Variants in DCAF13 observed in about 807,000 individuals in gnomAD.
DCAF13 encodes the protein DDB1 and CUL4 associated factor 13.
A neutral mutation model predicts 59.0 loss-of-function variants in DCAF13; 38 were observed. That is an observed-to-expected ratio of 0.64 (90% CI 0.50 to 0.84). The LOEUF is 0.84. DCAF13 is among the 40% of genes least tolerant of loss of function. The pLI, the probability that DCAF13 is intolerant of heterozygous loss-of-function variation, is 0.00. For missense variants in DCAF13, 469 were observed against 558.4 expected (o/e 0.84, Z 1.61); for synonymous variants, 173 against 175.0 (o/e 0.99, Z 0.09).
Position 103,421,203 on chromosome 8 carries a change from A to T in DCAF13, c.378+121A>T, listed in dbSNP as rs1410932888. ...AGGCCCTTTTGGAGTTTCACAATGC[A>T]AAATAGCTTATTAAACCTTGAAAAT... On this transcript the variant is annotated intron_variant, in intron 3 of 10. Transcript: ENST00000612750. 8.7e-5 allele frequency: 64 copies of T among 732,660 alleles called. 1 individual carries two copies. In the South Asian group the frequency reaches 9.3e-4, roughly 11 times the overall value. The allele number at this position is 732,660 out of a possible 1,614,324, so 45.4% of individuals were successfully genotyped here. A position where few individuals can be genotyped will look rare whatever the true frequency, so the allele number is the denominator to read the frequency against.
Position 103,421,009 on chromosome 8 carries a change from T to G in DCAF13, c.305T>G (p.Ile102Ser). Residue 102 changes from isoleucine to serine, a missense_variant, in exon 3 of 11, where the codon ATC (isoleucine) becomes AGC (serine). Coordinates refer to ENST00000612750, the MANE Select transcript of DCAF13 (RefSeq NM_015420.7). Reference protein sequence around the residue: ...RIWNLTQRNCIRTIQAHEGFV... With the variant: ...RIWNLTQRNCSRTIQAHEGFV... ...TGGAATCTAACTCAGCGGAATTGTA[T>G]CCGTACAATACAAGCACATGAAGGC... The G allele has an allele frequency of 6.2e-7, 1 of 1,613,600 alleles. No homozygotes were observed.
chr8:103,432,195 A>G lies in DCAF13; in HGVS notation c.703-464A>G, dbSNP rs139851019. Among the ~76,000 whole-genome samples, 754 of 152,304 alleles carry G rather than the reference A, an allele frequency of 5.0e-3. 6 individuals are homozygous for G. Among genetic ancestry groups the G allele is most frequent in the African/African-American group, 0.016 (671 of 41,574 alleles). ...AGGTCCCTGAGTGGCAAAACATCCT[A>G]CAGTGGATAGTCATACACAACAAAA... On this transcript the variant is annotated intron_variant, in intron 6 of 10. Coordinates refer to ENST00000612750, the MANE Select transcript of DCAF13 (RefSeq NM_015420.7).
At chr8:103,417,658 A>AG (rs1563723619) in intron 1 of DCAF13, among the ~76,000 whole-genome samples, 1 of 151,590 alleles carries the variant, frequency 6.6e-6, no homozygotes, top group South Asian at 2.1e-4. Flanking sequence ...AAAAAAAAAA[A>AG]AAGAACATCT....
At chr8:103,442,339 C>T (rs1817022822) in intron 10 of DCAF13, 1 of 152,360 alleles carries the variant, frequency 6.6e-6, no homozygotes, top group Non-Finnish European at 1.5e-5. Context: ...AAAAAGTGTT[C>T]TGATATACTT....
intron 1 of DCAF13, among the ~76,000 whole-genome samples, chr8:103,418,849 T>TATAC (rs1414319604): frequency 5.4e-5 from 1 of 18,410 alleles, no homozygotes; most frequent in Non-Finnish European, 1.0e-4. Flanking sequence ...TATATATATA[T>TATAC]ATATATATAT....
chr8:103,442,440 C>CT (rs1206578984), intron 10 of DCAF13: 1 of 160,210 alleles, frequency 6.2e-6, no homozygotes, highest in African/African-American at 2.4e-5. Flanking sequence ...CTTTGAAATA[C>CT]TTGAAGTCAT....
In DCAF13 at chr8:103,441,388, TC is replaced by T. The variant is rs1416994394; in HGVS notation, c.1087-66del. 26 of 1,454,614 alleles carry T rather than the reference TC, an allele frequency of 1.8e-5. No homozygotes were observed. The African/African-American group carries it at 3.5e-4, about 19-fold the overall frequency. The allele number at this position is 1,454,614 out of a possible 1,614,324, so 90.1% of individuals were successfully genotyped here. A position where few individuals can be genotyped will look rare whatever the true frequency, so the allele number is the denominator to read the frequency against. Reference sequence around the variant, plus strand: ...TTAGGTTAGGGGGAAAAGGGTGCTTTCTAGCTTTTTTATACTGAAGCAAAAC... The same window carrying T: ...TTAGGTTAGGGGGAAAAGGGTGCTTTTAGCTTTTTTATACTGAAGCAAAAC... On this transcript the variant is annotated intron_variant, in intron 9 of 10. Coordinates refer to ENST00000612750, the MANE Select transcript of DCAF13 (RefSeq NM_015420.7).
intron 8 of DCAF13, among the ~76,000 whole-genome samples, chr8:103,438,503 C>A (rs1362746658): frequency 6.6e-6 from 1 of 151,508 alleles, no homozygotes; most frequent in Non-Finnish European, 1.5e-5. Flanking sequence ...CACTACAGCC[C>A]CTGTCTTCTG....
At chr8:103,428,461 A>G (rs1816821960) in intron 5 of DCAF13, 1 of 152,124 alleles carries the variant, frequency 6.6e-6, no homozygotes, top group Admixed American at 6.6e-5. Context: ...AAAACCTAAA[A>G]TACTTACTCT....
intron 9 of DCAF13, chr8:103,440,676 T>C (rs1402871156): frequency 6.5e-6 from 1 of 153,278 alleles, no homozygotes; most frequent in Non-Finnish European, 1.5e-5. Flanking sequence ...GATCTTGTAA[T>C]ATCAAAGACA....
At chr8:103,430,730 T>A in intron 6 of DCAF13, 41 bp downstream of exon 6, 1 of 1,422,214 alleles carries the variant, frequency 7.0e-7, no homozygotes, top group Non-Finnish European at 9.8e-7. Flanking sequence ...CAGTTGGCAT[T>A]ATATATTTCT....
intron 8 of DCAF13, among the ~76,000 whole-genome samples, chr8:103,439,281 G>A (rs973498104): frequency 2.0e-5 from 3 of 151,324 alleles, no homozygotes; most frequent in Non-Finnish European, 2.9e-5. Context: ...GTGAGCCACC[G>A]CACCTGGCTC....
chr8:103,426,251 C>T (rs903435704), intron 4 of DCAF13, 106 bp downstream of exon 4: 7 of 651,656 alleles, frequency 1.1e-5, no homozygotes, highest in Admixed American at 3.1e-5. Flanking sequence ...AGATAAGAAA[C>T]GAAAGACTTT....
Position 103,430,651 on chromosome 8 carries a change from G to A in DCAF13, c.664G>A (p.Val222Ile), listed in dbSNP as rs898405494. The change falls in exon 6 of 11, where the codon GTA becomes ATA. Residue 222 changes from valine to isoleucine, a missense_variant. By Grantham distance (29) the Val-to-Ile change is conservative. Transcript: ENST00000612750. ...AAGTTGTGCATCTGACAGGAATATA[G>A]TACTGTACGATATGAGGCAAGCTAC... Reference protein sequence around the residue: ...LGSCASDRNIVLYDMRQATPL... With the variant: ...LGSCASDRNIILYDMRQATPL... 12 of 1,611,382 alleles carry A rather than the reference G, an allele frequency of 7.4e-6. No individual in the cohort carries two copies. The highest frequency in any genetic ancestry group is 2.2e-5 in the East Asian group (1 of 44,708).
chr8:103,434,578 A>C (rs949476538), intron 7 of DCAF13, among the ~76,000 whole-genome samples: 1 of 152,022 alleles, frequency 6.6e-6, no homozygotes, highest in Non-Finnish European at 1.5e-5. Flanking sequence ...CTAAAGAGTT[A>C]CTTTTTTTTC....
intron 1 of DCAF13, among the ~76,000 whole-genome samples, chr8:103,415,742 G>A (rs1816601016): frequency 6.6e-6 from 1 of 152,174 alleles, no homozygotes; most frequent in Non-Finnish European, 1.5e-5. Flanking sequence ...AGTGGTGAGT[G>A]GGAAACAGTT....
At chr8:103,418,633 G>C (rs1158019750) in intron 1 of DCAF13, among the ~76,000 whole-genome samples, 1 of 151,420 alleles carries the variant, frequency 6.6e-6, no homozygotes, top group Non-Finnish European at 1.5e-5. Context: ...AGTTTTGGTA[G>C]TAGGGAATAT....
At chr8:103,416,846 G>T (rs577268589) in intron 1 of DCAF13, among the ~76,000 whole-genome samples, 151 of 152,290 alleles carry the variant, frequency 9.9e-4, no homozygotes, top group African/African-American at 3.3e-3. Context: ...AAGAGATTTA[G>T]AAACAAAATG....
intron 3 of DCAF13, among the ~76,000 whole-genome samples, chr8:103,425,192 TAAG>T (rs1271106603): frequency 1.3e-5 from 2 of 152,246 alleles, no homozygotes; most frequent in African/African-American, 4.8e-5. Flanking sequence ...TATATAAATG[TAAG>T]ATTTTAAGTT....
Sources: allele counts gnomAD v4.1 joint callset (sites outside exome capture counted in the v4.1 genomes callset), GRCh38; gene constraint gnomAD v4.1.1; transcripts MANE v1.5; gene names NCBI Gene and HGNC (gene_info 2026-07-23, HGNC 2026-07-21).